Variants in MAP1B observed in about 807,000 individuals in gnomAD.
MAP1B encodes the protein microtubule associated protein 1B, also known as microtubule-associated protein 1B.
MAP1B carries 12 observed loss-of-function variants against 176.1 expected under a neutral mutation model. The observed-to-expected ratio is 0.07, with a 90% CI of 0.04 to 0.11. The LOEUF is 0.11. Ranked by LOEUF, MAP1B falls within the 10% of genes least tolerant of loss-of-function variation. MAP1B has a pLI of 1.00. For synonymous variants in MAP1B, 1,044 were observed against 1,135.0 expected, an observed-to-expected ratio of 0.92 and a Z score of 1.61; for missense variants, 2,523 against 2,990.5, an observed-to-expected ratio of 0.84 and a Z score of 3.65.
In MAP1B at chr5:72,166,837, G is replaced by A. The variant is rs187068433; in HGVS notation, c.287-16906G>A. Among the ~76,000 whole-genome samples, 3 of 152,332 alleles carry A rather than the reference G, an allele frequency of 2.0e-5. No homozygotes were observed. In the South Asian group the frequency reaches 6.2e-4, roughly 32 times the overall value. ...CTGACTGGCGCGCAGTGCTGGGAAA[G>A]CTGATGGTGGAGGAAGGGAAGGGCT... On this transcript the variant is annotated intron_variant, in intron 2 of 6. Transcript: ENST00000296755.
At chr5:72,133,386 A>T (rs1579988736) in intron 2 of MAP1B, among the ~76,000 whole-genome samples, 2 of 152,368 alleles carry the variant, frequency 1.3e-5, no homozygotes, top group Non-Finnish European at 2.9e-5. Context: ...AAAAGGAGGT[A>T]TCTGATACCC....
At chr5:72,140,286 A>G (rs552411427) in intron 2 of MAP1B, among the ~76,000 whole-genome samples, 1 of 152,342 alleles carries the variant, frequency 6.6e-6, no homozygotes, top group East Asian at 1.9e-4. Flanking sequence ...TACCTTAACC[A>G]TGGTATAGAA....
intron 2 of MAP1B, among the ~76,000 whole-genome samples, chr5:72,118,015 C>A (rs1745463656): frequency 1.3e-5 from 2 of 152,224 alleles, no homozygotes; most frequent in Admixed American, 1.3e-4. Flanking sequence ...TGGATTGGGC[C>A]CAGGGAAGCC....
rs779857304 is a variant in MAP1B at position 72,198,559 on chromosome 5, C to T, written c.5204C>T (p.Ala1735Val). The T allele has an allele frequency of 1.2e-6, 2 of 1,613,932 alleles. No homozygotes were observed. Among genetic ancestry groups the T allele is most frequent in the East Asian group, 4.5e-5 (2 of 44,890 alleles). The change falls in exon 5 of 7, where the codon GCT becomes GTT. Residue 1735 changes from alanine to valine, a missense_variant. Transcript: ENST00000296755. ...GAGGCCTCCCCGTCCACCTCTTCTG[C>T]TCATACCCCTTCTCAGATCGCTTCT... ...QVEASPSTSS[A>V]HTPSQIASPL...
intron 2 of MAP1B, among the ~76,000 whole-genome samples, chr5:72,155,768 T>TTC (rs1181310026): frequency 1.8e-5 from 2 of 112,596 alleles, no homozygotes; most frequent in East Asian, 2.2e-4. Context: ...TTTCTTTTCT[T>TTC]TTTTTTTTTT....
rs376170771 is a variant in MAP1B, at chr5:72,186,595, G to A, written c.370-19G>A. 2.9e-4 allele frequency: 469 copies of A among 1,613,048 alleles called. No homozygotes were observed. The highest frequency in any genetic ancestry group is 3.8e-4 in the South Asian group (35 of 91,042). On this transcript the variant is annotated intron_variant, in intron 3 of 6. Coordinates refer to ENST00000296755, the MANE Select transcript of MAP1B (RefSeq NM_005909.5). This position sits in a 1 kb window ranked among gnomAD's most constrained non-coding sequence, Gnocchi z 4.3. ...GCACTGCCCATGGCTCAGGGCCTAC[G>A]TTCTGTGCTTTATTTCAGGTGCGCT... is the stretch of plus-strand genomic sequence containing the variant.
intron 2 of MAP1B, among the ~76,000 whole-genome samples, chr5:72,118,539 A>G (rs920658165): frequency 1.3e-5 from 2 of 152,162 alleles, no homozygotes; most frequent in Admixed American, 6.5e-5. Flanking sequence ...AAGGCATTTA[A>G]CAATCATATA....
At chr5:72,144,995 C>G (rs1746019019) in intron 2 of MAP1B, among the ~76,000 whole-genome samples, 1 of 152,188 alleles carries the variant, frequency 6.6e-6, no homozygotes, top group South Asian at 2.1e-4. Context: ...CCCTGCCTAT[C>G]TCTGGTGCTG....
intron 2 of MAP1B, among the ~76,000 whole-genome samples, chr5:72,144,303 C>T (rs773837126): frequency 2.0e-5 from 3 of 152,146 alleles, no homozygotes; most frequent in South Asian, 2.1e-4. Context: ...AGTCTTCCGT[C>T]GTATAAAGTC....
chr5:72,135,792 G>A (rs552256547), intron 2 of MAP1B, among the ~76,000 whole-genome samples: 3 of 152,274 alleles, frequency 2.0e-5, no homozygotes, highest in South Asian at 2.1e-4. Flanking sequence ...CTTTCCATTT[G>A]CATTCTTGTT....
At position 72,200,374 on chromosome 5, in the gene MAP1B, T is replaced by C; in HGVS notation, c.7012+7T>C. The C allele has an allele frequency of 6.2e-7, 1 of 1,611,692 alleles. No homozygotes were observed. Among genetic ancestry groups the C allele is most frequent in the Non-Finnish European group, 8.5e-7 (1 of 1,179,072 alleles). ...GCCAAGACCGCCACTGCAGGTAGGT[T>C]GAGAAGGCTGGGCATTGGATATATG... is the stretch of plus-strand genomic sequence containing the variant. On this transcript the variant is annotated splice_region_variant and intron_variant, in intron 5 of 6. Transcript: ENST00000296755.
Position 72,115,815 on chromosome 5 carries a change from A to C in MAP1B, c.286+16A>C, listed in dbSNP as rs774968239. On this transcript the variant is annotated intron_variant, in intron 2 of 6. Coordinates refer to ENST00000296755, the MANE Select transcript of MAP1B (RefSeq NM_005909.5). ...GAAGTCCCAGGTGAGGCTTCCGCTC[A>C]GTGTTGGTCAGCCTAGAATTCCAAA... The C allele has an allele frequency of 6.4e-7, 1 of 1,562,528 alleles. No individual in the cohort carries two copies. The highest frequency in any genetic ancestry group is 8.8e-7 in the Non-Finnish European group (1 of 1,133,038).
intron 4 of MAP1B, among the ~76,000 whole-genome samples, chr5:72,190,800 A>T (rs539668912): frequency 6.6e-6 from 1 of 152,304 alleles, no homozygotes; most frequent in Non-Finnish European, 1.5e-5. Flanking sequence ...GTCTGGCTAA[A>T]ACCCAGAGAT....
intron 2 of MAP1B, among the ~76,000 whole-genome samples, chr5:72,173,117 T>G (rs1321283215): frequency 6.6e-6 from 1 of 152,234 alleles, no homozygotes; most frequent in African/African-American, 2.4e-5. Context: ...AGTGGCTTCC[T>G]CATAGCATTA....
At chr5:72,110,645 A>AG in intron 1 of MAP1B, among the ~76,000 whole-genome samples, 1 of 152,234 alleles carries the variant, frequency 6.6e-6, no homozygotes. Context: ...GAGCTGCTCC[A>AG]GGGGGGCCAG....
In MAP1B at chr5:72,207,870, T is replaced by C. The variant is rs1430635632; in HGVS notation, c.*2631T>C. The C allele has an allele frequency of 1.3e-5, 2 of 152,160 alleles. No individual in the cohort carries two copies. Among genetic ancestry groups the C allele is most frequent in the East Asian group, 3.8e-4 (2 of 5,208 alleles). The allele number at this position is 152,160 out of a possible 1,614,324, so 9.4% of individuals were successfully genotyped here. On this transcript the variant is annotated 3_prime_UTR_variant, in exon 7 of 7. Transcript: ENST00000296755. ...TTAAATGTATTTAACCTGAACATTA[T>C]TTTGCTTTAAAAACTATAAACATTG...
At chr5:72,119,198 C>G (rs950759901) in intron 2 of MAP1B, among the ~76,000 whole-genome samples, 1 of 152,194 alleles carries the variant, frequency 6.6e-6, no homozygotes, top group Non-Finnish European at 1.5e-5. Context: ...AAGCTCTGTC[C>G]AACTCTGGCA....
At chr5:72,183,066 G>T (rs1477719204) in intron 2 of MAP1B, among the ~76,000 whole-genome samples, 1 of 152,218 alleles carries the variant, frequency 6.6e-6, no homozygotes, top group African/African-American at 2.4e-5. Flanking sequence ...TCCTTAGACA[G>T]GCGGTCATCA....
chr5:72,133,773 G>A (rs1745780812), intron 2 of MAP1B, among the ~76,000 whole-genome samples: 1 of 152,178 alleles, frequency 6.6e-6, no homozygotes, highest in African/African-American at 2.4e-5. Flanking sequence ...TGGTAAAGCA[G>A]GAAAAGCTGA....
Sources: gnomAD v4.1 joint callset for allele counts (sites outside exome capture counted in the v4.1 genomes callset) on GRCh38, gnomAD v4.1.1 for gene constraint, Gnocchi (gnomAD v3.1) non-coding constraint, MANE v1.5 for transcripts, NCBI Gene and HGNC (gene_info 2026-07-23, HGNC 2026-07-21) for gene names.